The following IDO2 variants were observed in gnomAD, a reference collection of about 807,000 sequenced individuals.
IDO2 encodes the protein indoleamine 2,3-dioxygenase-like 1 protein.
Under a neutral mutation model 45.1 loss-of-function variants are expected in IDO2, and 46 were observed. The observed-to-expected ratio is 1.02, with a 90% CI of 0.80 to 1.30. The LOEUF is 1.30. IDO2 is among the 50% of genes most tolerant of loss of function. IDO2 has a pLI of 0.00. For missense variants in IDO2, 544 were observed against 491.8 expected (o/e 1.11, Z -1.00); for synonymous variants, 218 against 184.9 (o/e 1.18, Z -1.45).
At chr8:39,974,927 AAAAACAAAAC>A (rs200763763) in intron 3 of IDO2, among the ~76,000 whole-genome samples, 2 of 151,288 alleles carry the variant, frequency 1.3e-5, no homozygotes, top group Admixed American at 1.3e-4. Context: ...GACTCCGTCT[AAAAACAAAAC>A]AAAACAAAAC....
chr8:39,984,546 G>C (rs1243554115), intron 5 of IDO2, among the ~76,000 whole-genome samples: 1 of 152,118 alleles, frequency 6.6e-6, no homozygotes, highest in Non-Finnish European at 1.5e-5. Context: ...AAGAGTGAAG[G>C]GCTAGTTTAA....
rs772016439 is a variant in IDO2, at chr8:40,015,409, G to A, written c.1031G>A (p.Arg344Gln). ...TGTGTGCAGGCCCTGGCAGAGCTGC[G>A]GAGCTATCACATCACCATGGTCACC... is the stretch of plus-strand genomic sequence containing the variant. The change falls in exon 11 of 11, where the codon CGG becomes CAG. Residue 344 changes from arginine to glutamine, a missense_variant. Physicochemically the swap from Arg to Gln is conservative, Grantham distance 43 (BLOSUM62 1). Transcript: ENST00000502986. 15 of 1,613,888 alleles carry A rather than the reference G, an allele frequency of 9.3e-6. No homozygotes were observed. The East Asian group carries it at 1.8e-4, about 19-fold the overall frequency.
chr8:39,934,894 G>C, exon 1 of IDO2: 1 of 525,090 alleles, frequency 1.9e-6, no homozygotes, highest in Non-Finnish European at 3.4e-6. Flanking sequence ...AATCTGCCTG[G>C]TAAGGGATCA....
intron 8 of IDO2, among the ~76,000 whole-genome samples, chr8:39,991,273 C>T (rs1461083916): frequency 1.3e-5 from 2 of 152,248 alleles, no homozygotes; most frequent in East Asian, 3.9e-4. Context: ...ATGATCACAT[C>T]AGTAGGTCTT....
At chr8:39,936,984 A>G (rs1441798762) in intron 1 of IDO2, among the ~76,000 whole-genome samples, 1 of 152,176 alleles carries the variant, frequency 6.6e-6, no homozygotes, top group Non-Finnish European at 1.5e-5. Context: ...AAGAAGAATA[A>G]TCATGACTAG....
chr8:39,995,612 T>C (rs973494683), intron 8 of IDO2, among the ~76,000 whole-genome samples: 4 of 152,092 alleles, frequency 2.6e-5, no homozygotes, highest in African/African-American at 9.7e-5. Context: ...GCTGTTCCAG[T>C]ATAATGAGGA....
chr8:39,987,828 A>G, intron 6 of IDO2, 43 bp from the exon 7 acceptor site: 1 of 1,191,308 alleles, frequency 8.4e-7, no homozygotes, highest in Non-Finnish European at 1.2e-6. Flanking sequence ...TACTCACGGT[A>G]CAGTCTCCAC....
intron 5 of IDO2, 94 bp downstream of exon 5, chr8:39,982,864 T>TCTGC: frequency 1.2e-6 from 1 of 813,384 alleles, no homozygotes; most frequent in Non-Finnish European, 1.9e-6. Context: ...ATATTTATGG[T>TCTGC]CTGCCGTATG....
At position 39,982,755 on chromosome 8, in the gene IDO2, A is replaced by T. The variant is rs1184714693; in HGVS notation, c.419A>T (p.Lys140Ile). Residue 140 changes from lysine (K) to isoleucine (I), a missense_variant, in exon 5 of 11, where the codon AAA becomes ATA. By Grantham distance (102) the Lys-to-Ile change is moderately radical (BLOSUM62 -3). Coordinates refer to ENST00000502986, the Ensembl canonical transcript of IDO2. ...GACTTGGTGCTGACGAACTGGACCA[A>T]AAAAGATCCAGACGGGTAAGGAAGG... The T allele has an allele frequency of 2.5e-6, 4 of 1,596,300 alleles. No individual in the cohort carries two copies. In the East Asian group the frequency reaches 9.0e-5, roughly 36 times the overall value.
intron 9 of IDO2, among the ~76,000 whole-genome samples, chr8:40,007,840 A>G (rs1418091138): frequency 6.6e-6 from 1 of 152,172 alleles, no homozygotes; most frequent in Non-Finnish European, 1.5e-5. Context: ...AAGTCAATTT[A>G]TCTATTGGGC....
intron 3 of IDO2, among the ~76,000 whole-genome samples, chr8:39,965,599 T>A (rs1808073274): frequency 6.6e-6 from 1 of 152,198 alleles, no homozygotes; most frequent in African/African-American, 2.4e-5. Flanking sequence ...GTGAAAGTGG[T>A]CTTATTTGGA....
At chr8:39,950,268 G>A (rs543039067) in intron 2 of IDO2, among the ~76,000 whole-genome samples, 1 of 152,240 alleles carries the variant, frequency 6.6e-6, no homozygotes, top group Admixed American at 6.5e-5. Flanking sequence ...AGTGGCTCAC[G>A]CCTATAATCC....
intron 8 of IDO2, among the ~76,000 whole-genome samples, chr8:40,002,349 CT>C (rs1285497076): frequency 6.6e-6 from 1 of 152,144 alleles, no homozygotes; most frequent in African/African-American, 2.4e-5. Flanking sequence ...ACGATATCAT[CT>C]GCCTTAAAAA....
chr8:39,982,801 C>T (rs1319790252), intron 5 of IDO2, 31 bp downstream of exon 5: 1 of 1,350,194 alleles, frequency 7.4e-7, no homozygotes, highest in Non-Finnish European at 1.0e-6. Context: ...TTTGAATTTC[C>T]ATAACTTTCC....
chr8:39,937,039 T>G (rs16888370), intron 1 of IDO2, among the ~76,000 whole-genome samples: 5,752 of 152,326 alleles, frequency 0.038, 300 homozygotes, highest in African/African-American at 0.12. Context: ...ATACCCATAT[T>G]TAACATACCT....
chr8:39,947,170 T>TC (rs1807746534), intron 1 of IDO2, among the ~76,000 whole-genome samples: 3 of 16,606 alleles, frequency 1.8e-4, no homozygotes, highest in African/African-American at 6.6e-4. Context: ...AGCTAAGGTA[T>TC]CAAAAAAAAA....
At chr8:39,974,506 G>A (rs2543062) in intron 3 of IDO2, among the ~76,000 whole-genome samples, 23,579 of 152,200 alleles carry the variant, frequency 0.15, 2,030 homozygotes, top group East Asian at 0.34. Context: ...TCTAGGGCCC[G>A]GCACGGTGGC....
intron 3 of IDO2, among the ~76,000 whole-genome samples, chr8:39,974,782 G>A (rs928774515): frequency 2.6e-5 from 4 of 152,180 alleles, no homozygotes; most frequent in Non-Finnish European, 4.4e-5. Context: ...TTAGCTGGGC[G>A]TGGTGGCACG....
At chr8:39,991,891 A>G (rs1358557946) in intron 8 of IDO2, among the ~76,000 whole-genome samples, 1 of 152,188 alleles carries the variant, frequency 6.6e-6, no homozygotes, top group Non-Finnish European at 1.5e-5. Context: ...TTTTAGGCCC[A>G]GGCCAACCTG....
Sources: gnomAD v4.1 joint callset for allele counts (sites outside exome capture counted in the v4.1 genomes callset) on GRCh38, gnomAD v4.1.1 for gene constraint, MANE v1.5 for transcripts, NCBI Gene and HGNC (gene_info 2026-07-23, HGNC 2026-07-21) for gene names.